RASSF3: variants seen among roughly 807,000 people sequenced by gnomAD.
The protein encoded by RASSF3 is Ras association domain family member 3.
In RASSF3, 19 loss-of-function variants were observed where a neutral mutation model predicts 19.9. The observed-to-expected ratio is 0.96, with a 90% CI of 0.67 to 1.40. RASSF3 has a LOEUF of 1.40. Ranked by LOEUF, RASSF3 falls within the 40% of genes most tolerant of loss-of-function variation. The pLI, the probability that RASSF3 is intolerant of heterozygous loss-of-function variation, is 0.00. For synonymous variants in RASSF3, 110 were observed against 104.2 expected, an observed-to-expected ratio of 1.06 and a Z score of -0.34; for missense variants, 306 against 289.8, an observed-to-expected ratio of 1.06 and a Z score of -0.41.
chr12:64,575,810 C>A (rs538176427), intron 2 of RASSF3: 1 of 149,504 alleles, frequency 6.7e-6, no homozygotes, highest in African/African-American at 2.4e-5. Context: ...TGTCAATATT[C>A]GATTGTGAAT....
intron 1 of RASSF3, among the ~76,000 whole-genome samples, chr12:64,626,097 A>G (rs1434408221): frequency 6.6e-6 from 1 of 152,144 alleles, no homozygotes; most frequent in Non-Finnish European, 1.5e-5. Flanking sequence ...GCCACTGTGA[A>G]GATTTTTAAT....
At chr12:64,658,434 T>C (rs148781292) in intron 1 of RASSF3, among the ~76,000 whole-genome samples, 2 of 152,184 alleles carry the variant, frequency 1.3e-5, no homozygotes, top group Non-Finnish European at 2.9e-5. Flanking sequence ...GAGACTCAAA[T>C]ACAAACACAA....
chr12:64,674,357 G>A (rs958270918), intron 1 of RASSF3, among the ~76,000 whole-genome samples: 5 of 152,228 alleles, frequency 3.3e-5, no homozygotes, highest in African/African-American at 1.2e-4. Flanking sequence ...CAGCTGAACA[G>A]GAATGGAGCC....
At chr12:64,666,312 A>G (rs930538837) in intron 1 of RASSF3, among the ~76,000 whole-genome samples, 1 of 152,204 alleles carries the variant, frequency 6.6e-6, no homozygotes, top group African/African-American at 2.4e-5. Context: ...AGGCATGAAG[A>G]AGGAAGATAA....
intron 1 of RASSF3, among the ~76,000 whole-genome samples, chr12:64,659,580 G>C (rs1215643187): frequency 6.6e-6 from 1 of 152,060 alleles, no homozygotes; most frequent in Non-Finnish European, 1.5e-5. Flanking sequence ...AGGGAGGGGA[G>C]GGAGAGGTTT....
chr12:64,624,002 C>G lies in RASSF3; in HGVS notation c.111+13259C>G, dbSNP rs528353179. 1.2e-3 allele frequency among the ~76,000 whole-genome samples: 186 copies of G among 151,932 alleles called. 5 individuals carry two copies. The South Asian group carries it at 0.037, about 30-fold the overall frequency. ...CTTTTCCTCTGACCAGATTTGGTCA[C>G]GTGAAACTGTCAATTAGCATGAATG... On this transcript the variant is annotated intron_variant, in intron 1 of 4. Coordinates refer to ENST00000542104, the MANE Select transcript of RASSF3 (RefSeq NM_178169.4).
At chr12:64,648,724 G>A (rs1795625) in intron 1 of RASSF3, among the ~76,000 whole-genome samples, 42,917 of 150,320 alleles carry the variant, frequency 0.29, 6,644 homozygotes, top group Non-Finnish European at 0.36. Flanking sequence ...CTTGTGATCC[G>A]CCTGCCTCGA....
intron 2 of RASSF3, among the ~76,000 whole-genome samples, chr12:64,587,616 C>T (rs527309211): frequency 2.8e-4 from 42 of 152,172 alleles, no homozygotes; most frequent in African/African-American, 8.7e-4. Flanking sequence ...GAGGTGTCGC[C>T]GTCTTCCTCT....
At chr12:64,540,613 A>C (rs1185504720) in intron 1 of RASSF3, among the ~76,000 whole-genome samples, 1 of 152,250 alleles carries the variant, frequency 6.6e-6, no homozygotes, top group Non-Finnish European at 1.5e-5. Flanking sequence ...TCAGCTGTAA[A>C]AAGAAATGAA....
intron 1 of RASSF3, among the ~76,000 whole-genome samples, chr12:64,678,244 A>G (rs1473107010): frequency 6.6e-6 from 1 of 152,186 alleles, no homozygotes; most frequent in Admixed American, 6.5e-5. Flanking sequence ...CTAGGCTAGA[A>G]CCTGTTCTGT....
chr12:64,611,019 G>C (rs2136152851), intron 1 of RASSF3, among the ~76,000 whole-genome samples: 1 of 152,320 alleles, frequency 6.6e-6, no homozygotes, highest in Non-Finnish European at 1.5e-5. Context: ...GCCTCGGGCT[G>C]CCGCCTGCGG....
At chr12:64,593,129 T>C (rs1869949756) in intron 2 of RASSF3, among the ~76,000 whole-genome samples, 1 of 152,210 alleles carries the variant, frequency 6.6e-6, no homozygotes, top group African/African-American at 2.4e-5. Flanking sequence ...GAAGTATATG[T>C]ATATAATTGT....
At chr12:64,623,372 G>A (rs1870861882) in intron 1 of RASSF3, among the ~76,000 whole-genome samples, 1 of 152,226 alleles carries the variant, frequency 6.6e-6, no homozygotes, top group Non-Finnish European at 1.5e-5. Flanking sequence ...ACTCTGAGAT[G>A]AGAAATTTAA....
intron 1 of RASSF3, among the ~76,000 whole-genome samples, chr12:64,509,139 A>C (rs1344360802): frequency 2.0e-5 from 3 of 152,044 alleles, no homozygotes; most frequent in African/African-American, 7.2e-5. Flanking sequence ...CATCTTCACC[A>C]ATTGCTTCAT....
At position 64,513,769 on chromosome 12, in the gene RASSF3, A is replaced by G. The variant is rs1358843434; in HGVS notation, c.169+6440A>G. ...CCCTCTGGAGACAAACCTGTAGACC[A>G]TGCAACCATGGAGAGACCTCACACC... On this transcript the variant is annotated intron_variant, in intron 1 of 5. Transcript: ENST00000637125. Among the ~76,000 whole-genome samples the G allele has an allele frequency of 3.9e-5, 6 of 152,304 alleles. No individual in the cohort carries two copies. The East Asian group carries it at 9.6e-4, about 24-fold the overall frequency.
intron 2 of RASSF3, among the ~76,000 whole-genome samples, chr12:64,580,651 G>C (rs980679760): frequency 6.6e-6 from 1 of 151,544 alleles, no homozygotes; most frequent in Non-Finnish European, 1.5e-5. Context: ...TGATTCTGGA[G>C]TCTAGAAGCC....
chr12:64,657,160 C>T (rs561376974), intron 1 of RASSF3, among the ~76,000 whole-genome samples: 101 of 152,204 alleles, frequency 6.6e-4, no homozygotes, highest in African/African-American at 1.9e-3. Context: ...TACAGGCCCA[C>T]GCCACCACGT....
chr12:64,576,754 G>T (rs982581500), intron 2 of RASSF3, among the ~76,000 whole-genome samples: 4 of 151,800 alleles, frequency 2.6e-5, no homozygotes, highest in Non-Finnish European at 4.4e-5. Flanking sequence ...AGGAGGCTGA[G>T]GTGGGATGGG....
rs764447632 is a variant in RASSF3 at position 64,688,310 on chromosome 12, G to A, written c.314G>A (p.Ser105Asn). Residue 105 changes from serine to asparagine, a missense_variant, in exon 3 of 5, where the codon AGT (serine) becomes AAT (asparagine). Ser to Asn is a conservative substitution (Grantham distance 46, BLOSUM62 1). Transcript: ENST00000542104. The part of the protein sequence containing the change: ...TSPNSGKLSP[S>N]SNGCMNTLHI... ...CCAAATTCTGGAAAACTCTCTCCCA[G>A]TAGCAATGGCTGTATGAATACACTT... The A allele has an allele frequency of 3.0e-5, 49 of 1,613,996 alleles. No homozygotes were observed. The highest frequency in any genetic ancestry group is 3.5e-5 in the Non-Finnish European group (41 of 1,179,994).
Sources: allele counts gnomAD v4.1 joint callset (sites outside exome capture counted in the v4.1 genomes callset), GRCh38; gene constraint gnomAD v4.1.1; transcripts MANE v1.5; gene names NCBI Gene and HGNC (gene_info 2026-07-23, HGNC 2026-07-21).